CELF1: variants seen among roughly 807,000 people sequenced by gnomAD.
CELF1 encodes CUGBP Elav-like family member 1.
Under a neutral mutation model 61.8 loss-of-function variants are expected in CELF1, and 10 were observed. The ratio of observed to expected loss-of-function variants is 0.16; its 90% CI spans 0.10 to 0.27. The LOEUF is 0.27. CELF1 is among the 10% of genes least tolerant of loss of function. CELF1 has a pLI of 1.00. For synonymous variants in CELF1, 236 were observed against 225.1 expected (o/e 1.05, Z -0.43); for missense variants, 380 against 639.1 (o/e 0.59, Z 4.37).
At chr11:47,482,215 T>TAAAA (rs142618750) in intron 9 of CELF1, among the ~76,000 whole-genome samples, 1 of 151,066 alleles carries the variant, frequency 6.6e-6, no homozygotes, top group South Asian at 2.1e-4. Flanking sequence ...AAAAAATAAA[T>TAAAA]AAATAAATAA....
chr11:47,479,141 C>A (rs2081572345), intron 9 of CELF1, among the ~76,000 whole-genome samples, 189 bp from the exon 10 acceptor site: 1 of 152,022 alleles, frequency 6.6e-6, no homozygotes, highest in Admixed American at 6.6e-5. Flanking sequence ...AAAAACACAG[C>A]TAAAGCACTG....
intron 6 of CELF1, among the ~76,000 whole-genome samples, chr11:47,485,791 G>A (rs1366103207): frequency 2.7e-5 from 4 of 149,412 alleles, no homozygotes; most frequent in East Asian, 2.0e-4. Flanking sequence ...CATGTTGGCC[G>A]GGTGATCCGC....
At chr11:47,489,935 G>GTTTTTGTTTTTTTTTTT (rs1555170253) in intron 3 of CELF1, among the ~76,000 whole-genome samples, 3 of 48,236 alleles carry the variant, frequency 6.2e-5, no homozygotes, top group South Asian at 9.8e-4. Flanking sequence ...ATACCATCTT[G>GTTTTTGTTTTTTTTTTT]TTTTTTTTTT....
At chr11:47,528,445 CA>C (rs980880405) in intron 1 of CELF1, among the ~76,000 whole-genome samples, 2 of 151,358 alleles carry the variant, frequency 1.3e-5, no homozygotes, top group African/African-American at 2.4e-5. Flanking sequence ...TTCCATCTCA[CA>C]TTTTTTTAAA....
At chr11:47,533,635 A>AATACATACATACATAC (rs61663256) in intron 1 of CELF1, among the ~76,000 whole-genome samples, 3,662 of 148,820 alleles carry the variant, frequency 0.025, 45 homozygotes, top group Non-Finnish European at 0.034. Flanking sequence ...AAAATAAATA[A>AATACATACATACATAC]ATACATACAT....
chr11:47,534,306 A>T (rs529046124), intron 1 of CELF1, among the ~76,000 whole-genome samples: 3 of 151,524 alleles, frequency 2.0e-5, no homozygotes, highest in South Asian at 4.2e-4. Context: ...CTGGGATTAC[A>T]GGCATGAGCC....
intron 2 of CELF1, among the ~76,000 whole-genome samples, chr11:47,562,586 A>T (rs902655170): frequency 6.7e-6 from 1 of 149,396 alleles, no homozygotes; most frequent in African/African-American, 2.5e-5. Flanking sequence ...GTATGACTCC[A>T]TTTATTTGAA....
intron 3 of CELF1, among the ~76,000 whole-genome samples, chr11:47,497,198 A>C (rs574139673): frequency 6.6e-6 from 1 of 152,236 alleles, no homozygotes; most frequent in South Asian, 2.1e-4. Context: ...TATTTAGAAT[A>C]AAGTCTTAGA....
chr11:47,521,183 C>T (rs1173727505), intron 1 of CELF1, among the ~76,000 whole-genome samples: 5 of 152,076 alleles, frequency 3.3e-5, no homozygotes, highest in African/African-American at 7.2e-5. Flanking sequence ...ACCTGGGAGG[C>T]GGAGTTTGCA....
In CELF1 at chr11:47,542,172, C is replaced by G. The variant is rs553221439; in HGVS notation, c.-154+10820G>C. Among the ~76,000 whole-genome samples the G allele has an allele frequency of 7.2e-5, 11 of 152,236 alleles. 2 individuals are homozygous for G. Among genetic ancestry groups the G allele is most frequent in the Admixed American group, 7.2e-4 (11 of 15,282 alleles). The stretch of plus-strand genomic sequence containing the variant: ...ATCACCTGAGGTCAGGAGTTCGAGA[C>G]CAGCCTAGCCAACATGGTGAAACCC... On this transcript the variant is annotated intron_variant, in intron 1 of 14. Transcript: ENST00000687097.
At chr11:47,489,932 C>CTTTTTTTTTTTTTTTTTTTTTTTTTTTT (rs530410346) in intron 3 of CELF1, among the ~76,000 whole-genome samples, 3 of 23,476 alleles carry the variant, frequency 1.3e-4, no homozygotes, top group African/African-American at 2.2e-4. Flanking sequence ...AACATACCAT[C>CTTTTTTTTTTTTTTTTTTTTTTTTTTTT]TTGTTTTTTT....
At chr11:47,520,990 G>A (rs1435178394) in intron 1 of CELF1, among the ~76,000 whole-genome samples, 1 of 152,190 alleles carries the variant, frequency 6.6e-6, no homozygotes, top group African/African-American at 2.4e-5. Context: ...GGTGGCTCAC[G>A]CCTGTAATCC....
At chr11:47,529,470 T>C (rs529978274) in intron 1 of CELF1, among the ~76,000 whole-genome samples, 5 of 152,240 alleles carry the variant, frequency 3.3e-5, no homozygotes, top group African/African-American at 1.2e-4. Context: ...GAAGATCACA[T>C]GAGGCCAGGA....
upstream of CELF1, among the ~76,000 whole-genome samples, chr11:47,556,623 C>G (rs1425979843): frequency 6.6e-6 from 1 of 152,210 alleles, no homozygotes; most frequent in East Asian, 1.9e-4. Context: ...ATAATCCCAG[C>G]TACCCTGGAG....
At chr11:47,472,843 A>G (rs78168876) in intron 14 of CELF1, among the ~76,000 whole-genome samples, 15 of 152,182 alleles carry the variant, frequency 9.9e-5, no homozygotes, top group Non-Finnish European at 1.5e-4. Context: ...TGGACTGTTT[A>G]AAGGTTTTTT....
chr11:47,543,929 G>A (rs1055698950), intron 1 of CELF1, among the ~76,000 whole-genome samples: 5 of 152,142 alleles, frequency 3.3e-5, no homozygotes, highest in African/African-American at 1.2e-4. Context: ...AGACCCAAGT[G>A]TCCCCTATTA....
chr11:47,552,600 G>A (rs940643031), intron 1 of CELF1, among the ~76,000 whole-genome samples: 5 of 152,210 alleles, frequency 3.3e-5, no homozygotes, highest in African/African-American at 9.6e-5. Flanking sequence ...GGGCAGAGAT[G>A]GGGTGTCCCG....
At position 47,473,076 on chromosome 11, in the gene CELF1, A is replaced by T; in HGVS notation, c.1417+12T>A. Reference sequence around the variant, plus strand: ...CTAATCCCATCCTGACACCAGAGAGAAGCCAACATACCAAAACACTTGCTC... The same window carrying T: ...CTAATCCCATCCTGACACCAGAGAGTAGCCAACATACCAAAACACTTGCTC... On this transcript the variant is annotated intron_variant, in intron 14 of 14. Transcript: ENST00000687097. 6.2e-7 allele frequency: 1 copy of T among 1,612,920 alleles called. No individual in the cohort carries two copies. The highest frequency in any genetic ancestry group is 8.5e-7 in the Non-Finnish European group (1 of 1,179,510).
At position 47,487,008 on chromosome 11, in the gene CELF1, C is replaced by T. The variant is rs2087752248; in HGVS notation, c.342+151G>A. 5 of 735,884 alleles carry T rather than the reference C, an allele frequency of 6.8e-6. No individual in the cohort carries two copies. In the South Asian group the frequency reaches 8.5e-5, roughly 12 times the overall value. The allele number at this position is 735,884 out of a possible 1,614,324, so 45.6% of individuals were successfully genotyped here. ...AGAGAGAACTAATGTCAGGTAATCT[C>T]TGAACTGCTCCCTTTATGTCTTCCT... On this transcript the variant is annotated intron_variant, in intron 5 of 14. Transcript: ENST00000687097.
Sources: allele counts gnomAD v4.1 joint callset (sites outside exome capture counted in the v4.1 genomes callset), GRCh38; gene constraint gnomAD v4.1.1; transcripts MANE v1.5; gene names NCBI Gene and HGNC (gene_info 2026-07-23, HGNC 2026-07-21).